GAP43: variants seen among roughly 807,000 people sequenced by gnomAD.
GAP43 encodes neuromodulin.
GAP43 carries 6 observed loss-of-function variants against 18.6 expected under a neutral mutation model. The ratio of observed to expected loss-of-function variants is 0.32; its 90% CI spans 0.18 to 0.64. GAP43 has a LOEUF of 0.64. Ranked by LOEUF, GAP43 falls within the 30% of genes least tolerant of loss-of-function variation. The pLI is 0.78. For missense variants in GAP43, 292 were observed against 295.5 expected, an observed-to-expected ratio of 0.99 and a Z score of 0.09; for synonymous variants, 115 against 111.4, an observed-to-expected ratio of 1.03 and a Z score of -0.20.
intron 2 of GAP43, among the ~76,000 whole-genome samples, chr3:115,698,043 TTATATATTATATAAAATATATATTA>T (rs1709223009): frequency 1.5e-5 from 1 of 67,348 alleles, no homozygotes; most frequent in East Asian, 3.3e-4. Context: ...AAAATATATA[TTATATATTATATAAAATATATATTA>T]TATATAATAT....
At chr3:115,656,674 A>G (rs1447069563) in intron 1 of GAP43, among the ~76,000 whole-genome samples, 5 of 152,236 alleles carry the variant, frequency 3.3e-5, no homozygotes, top group Admixed American at 2.6e-4. Context: ...TCAGTGAAAC[A>G]GCCCCTTAGA....
intron 1 of GAP43, among the ~76,000 whole-genome samples, chr3:115,642,844 C>G (rs1162667350): frequency 6.6e-6 from 1 of 151,906 alleles, no homozygotes; most frequent in Non-Finnish European, 1.5e-5. Flanking sequence ...ACCTAAATAG[C>G]TTTTTGTGGT....
intron 1 of GAP43, among the ~76,000 whole-genome samples, chr3:115,670,160 C>A (rs554142420): frequency 9.7e-6 from 1 of 103,042 alleles, no homozygotes; most frequent in East Asian, 3.2e-4. Flanking sequence ...CCCGACCCCA[C>A]CACAGTCCCC....
At position 115,720,844 on chromosome 3, in the gene GAP43, A is replaced by G. The variant is rs755891740; in HGVS notation, c.679A>G (p.Lys227Glu). ...PKESARQDEG[K>E]EEEPEADQEH... ...GGAAAGTGCCCGGCAGGACGAGGGT[A>G]AAGAAGAGGAACCTGAGGCTGACCA... The change falls in exon 3 of 3, where the codon AAA becomes GAA. Residue 227 changes from lysine to glutamate, a missense_variant. Coordinates refer to ENST00000305124, the MANE Select transcript of GAP43 (RefSeq NM_002045.4). The G allele has an allele frequency of 1.1e-5, 18 of 1,612,962 alleles. 1 individual carries two copies. In the South Asian group the frequency reaches 2.0e-4, roughly 18 times the overall value.
intron 1 of GAP43, among the ~76,000 whole-genome samples, chr3:115,637,961 C>T (rs1028359771): frequency 1.3e-5 from 2 of 151,936 alleles, no homozygotes; most frequent in Admixed American, 6.6e-5. Context: ...TTTCTTTCCT[C>T]CTCTCAAAAA....
chr3:115,637,258 C>CT, intron 1 of GAP43, among the ~76,000 whole-genome samples: 1 of 152,102 alleles, frequency 6.6e-6, no homozygotes, highest in Admixed American at 6.6e-5. Context: ...TTTGCAAACT[C>CT]TTTAAGGGTA....
Position 115,623,800 on chromosome 3 carries a change from T to G in GAP43, c.30+81T>G, listed in dbSNP as rs1446854596. ...TTCCCCGTAAAGGCAAACAATTTTTTTACTGCTTCTGCTCTGGCCGTGGTG... is the reference window on the plus strand; with the variant it reads ...TTCCCCGTAAAGGCAAACAATTTTTGTACTGCTTCTGCTCTGGCCGTGGTG... On this transcript the variant is annotated intron_variant, in intron 1 of 2. Coordinates refer to ENST00000305124, the MANE Select transcript of GAP43 (RefSeq NM_002045.4). The G allele has an allele frequency of 2.1e-6, 3 of 1,441,492 alleles. No homozygotes were observed. In the African/African-American group the frequency reaches 4.2e-5, roughly 20 times the overall value. 89.3% of individuals were successfully genotyped at this position (1,441,492 alleles called of 1,614,324 possible).
intron 2 of GAP43, among the ~76,000 whole-genome samples, chr3:115,712,097 A>G (rs1709447434): frequency 6.6e-6 from 1 of 152,200 alleles, no homozygotes; most frequent in African/African-American, 2.4e-5. Context: ...TTTCAAGGCT[A>G]GTCAACTTGT....
At chr3:115,706,102 C>A (rs1427401785) in intron 2 of GAP43, among the ~76,000 whole-genome samples, 2 of 152,146 alleles carry the variant, frequency 1.3e-5, no homozygotes, top group Non-Finnish European at 2.9e-5. Flanking sequence ...TCAGCGCAGT[C>A]TTCTCAAAGG....
intron 2 of GAP43, among the ~76,000 whole-genome samples, chr3:115,696,211 A>G (rs60609954): frequency 0.04 from 6,149 of 152,124 alleles, 364 homozygotes; most frequent in East Asian, 0.17. Context: ...CTTGAAAACC[A>G]AACTTCTGTC....
At chr3:115,682,022 A>G (rs1708963257) in intron 2 of GAP43, among the ~76,000 whole-genome samples, 1 of 152,224 alleles carries the variant, frequency 6.6e-6, no homozygotes, top group Non-Finnish European at 1.5e-5. Flanking sequence ...ATATAAGAAC[A>G]TCTCTCTTCT....
At chr3:115,627,501 TGTTATTC>T in intron 1 of GAP43, among the ~76,000 whole-genome samples, 1 of 151,144 alleles carries the variant, frequency 6.6e-6, no homozygotes, top group Non-Finnish European at 1.5e-5. Flanking sequence ...AAATTGCCAG[TGTTATTC>T]CTGGGGCTGA....
intron 1 of GAP43, among the ~76,000 whole-genome samples, chr3:115,675,614 T>G (rs1708872297): frequency 6.6e-6 from 1 of 151,668 alleles, no homozygotes; most frequent in Non-Finnish European, 1.5e-5. Context: ...CAAAACTTAG[T>G]CGAGTGTAGT....
intron 1 of GAP43, among the ~76,000 whole-genome samples, chr3:115,639,174 C>A (rs1021547151): frequency 6.6e-6 from 1 of 152,092 alleles, no homozygotes; most frequent in Non-Finnish European, 1.5e-5. Flanking sequence ...TCACTTCTGG[C>A]ACAGTCCATA....
At chr3:115,638,511 C>CT (rs113774206) in intron 1 of GAP43, among the ~76,000 whole-genome samples, 1,759 of 144,744 alleles carry the variant, frequency 0.012, 5 homozygotes, top group South Asian at 0.03. Flanking sequence ...ACACATCACA[C>CT]TTTTTTTTTT....
In GAP43 at chr3:115,663,331, C is replaced by T. The variant is rs550582499; in HGVS notation, c.31-12682C>T. ...TAAATCCTCACACTCAGGAATAAATCGCAGAACCTTCTCTTTACCACCTGC... is the reference window on the plus strand; with the variant it reads ...TAAATCCTCACACTCAGGAATAAATTGCAGAACCTTCTCTTTACCACCTGC... On this transcript the variant is annotated intron_variant, in intron 1 of 2. Coordinates refer to ENST00000305124, the MANE Select transcript of GAP43 (RefSeq NM_002045.4). Among the ~76,000 whole-genome samples, 25 of 152,268 alleles carry T rather than the reference C, an allele frequency of 1.6e-4. No individual in the cohort carries two copies. In the South Asian group the frequency reaches 5.0e-3, roughly 30 times the overall value.
At chr3:115,668,753 A>T (rs1708766024) in intron 1 of GAP43, among the ~76,000 whole-genome samples, 2 of 152,116 alleles carry the variant, frequency 1.3e-5, no homozygotes, top group Non-Finnish European at 2.9e-5. Flanking sequence ...GTGAAAACGC[A>T]TATAAGCAGG....
chr3:115,632,972 C>G (rs1708278228), intron 1 of GAP43, among the ~76,000 whole-genome samples: 2 of 151,378 alleles, frequency 1.3e-5, no homozygotes, highest in Admixed American at 1.3e-4. Flanking sequence ...TGATTGGGAA[C>G]AAGTATCCAA....
At chr3:115,660,041 C>G (rs550691929) in intron 1 of GAP43, among the ~76,000 whole-genome samples, 1 of 152,190 alleles carries the variant, frequency 6.6e-6, no homozygotes, top group South Asian at 2.1e-4. Context: ...GAATGTTTAG[C>G]TTTTTGCTGA....
Sources: gnomAD v4.1 joint callset for allele counts (sites outside exome capture counted in the v4.1 genomes callset) on GRCh38, gnomAD v4.1.1 for gene constraint, MANE v1.5 for transcripts, NCBI Gene and HGNC (gene_info 2026-07-23, HGNC 2026-07-21) for gene names.